Variants in ITGA9 observed in about 807,000 individuals in gnomAD.
ITGA9 encodes integrin alpha-9.
A neutral mutation model predicts 127.8 loss-of-function variants in ITGA9; 56 were observed. The ratio of observed to expected loss-of-function variants is 0.44; its 90% confidence interval spans 0.35 to 0.55. The LOEUF (loss-of-function observed/expected upper bound fraction) is 0.55, where lower values mean the gene tolerates loss of function less well. Ranked by LOEUF, ITGA9 falls within the 20% of genes least tolerant of loss-of-function variation. The probability of loss-of-function intolerance (pLI) is 0.00; values close to 1 mark genes in which losing one functional copy is unlikely to be tolerated. For synonymous variants in ITGA9, 508 were observed against 514.5 expected, an observed-to-expected ratio of 0.99 and a Z score of 0.17; for missense variants, 1,196 against 1,347.1, an observed-to-expected ratio of 0.89 and a Z score of 1.76.
At chr3:37,756,562 A>C (rs934732238) in intron 23 of ITGA9, among the ~76,000 whole-genome samples, 1 of 152,224 alleles carries the variant, frequency 6.6e-6, no homozygotes, top group Admixed American at 6.5e-5. Context: ...CAGCTATGGC[A>C]ACCTATAGGA....
intron 16 of ITGA9, among the ~76,000 whole-genome samples, chr3:37,647,534 CAT>C (rs1204463554): frequency 2.7e-5 from 4 of 150,098 alleles, no homozygotes; most frequent in African/African-American, 7.4e-5. Flanking sequence ...ATATTGTCAA[CAT>C]AGTCATCACG....
At chr3:37,696,463 A>G (rs1700886219) in intron 18 of ITGA9, among the ~76,000 whole-genome samples, 1 of 152,194 alleles carries the variant, frequency 6.6e-6, no homozygotes, top group African/African-American at 2.4e-5. Flanking sequence ...GATGTTGTCA[A>G]TGTGTTTGGA....
intron 24 of ITGA9, among the ~76,000 whole-genome samples, chr3:37,777,984 G>C (rs1240645267): frequency 6.6e-6 from 1 of 152,206 alleles, no homozygotes; most frequent in African/African-American, 2.4e-5. Flanking sequence ...TGAGAACAAT[G>C]CAGATATCCA....
intron 15 of ITGA9, among the ~76,000 whole-genome samples, chr3:37,622,138 T>TA (rs1700134182): frequency 7.3e-5 from 1 of 13,776 alleles, no homozygotes; most frequent in Non-Finnish European, 1.7e-4. Flanking sequence ...GTTTGTTTAC[T>TA]TTTTTTTTTT....
chr3:37,464,872 G>T (rs193291952), intron 1 of ITGA9, among the ~76,000 whole-genome samples: 70 of 152,314 alleles, frequency 4.6e-4, no homozygotes, highest in Admixed American at 3.1e-3. Flanking sequence ...GAAGGGTTTG[G>T]TGTGGTCAGA....
Position 37,533,305 on chromosome 3 carries a change from G to T in ITGA9, c.1374-9G>T, listed in dbSNP as rs758165204. ...CACGACTAAGTCACCTTCCTCTCTTGCCCTGCAGAGCAAGGCCTGTCATTA... is the reference window on the plus strand; with the variant it reads ...CACGACTAAGTCACCTTCCTCTCTTTCCCTGCAGAGCAAGGCCTGTCATTA... On this transcript the variant is annotated splice_polypyrimidine_tract_variant and intron_variant, in intron 13 of 27. Coordinates refer to ENST00000264741, the MANE Select transcript of ITGA9 (RefSeq NM_002207.3). 3 of 1,614,010 alleles carry T rather than the reference G, an allele frequency of 1.9e-6. No individual in the cohort carries two copies. The highest frequency in any genetic ancestry group is 2.2e-5 in the South Asian group (2 of 91,082).
At chr3:37,702,947 T>C (rs1167373973) in intron 18 of ITGA9, among the ~76,000 whole-genome samples, 1 of 151,986 alleles carries the variant, frequency 6.6e-6, no homozygotes, top group Admixed American at 6.5e-5. Context: ...GCCCTGTCCC[T>C]GGGGAATGCA....
intron 26 of ITGA9, among the ~76,000 whole-genome samples, chr3:37,794,722 T>C (rs1697152511): frequency 1.3e-5 from 2 of 152,172 alleles, no homozygotes. Flanking sequence ...TAACAGGAAT[T>C]AGAAAGCCCA....
intron 16 of ITGA9, among the ~76,000 whole-genome samples, chr3:37,638,037 C>G (rs1700297541): frequency 1.3e-5 from 2 of 152,014 alleles, no homozygotes; most frequent in Admixed American, 1.3e-4. Flanking sequence ...AGAACTGATA[C>G]AGTAGAGGAG....
intron 5 of ITGA9, among the ~76,000 whole-genome samples, chr3:37,496,093 T>A (rs115719950): frequency 0.019 from 2,928 of 152,120 alleles, 98 homozygotes; most frequent in African/African-American, 0.066. Flanking sequence ...CCCTCCTGAG[T>A]CAGGAGCAAG....
intron 15 of ITGA9, among the ~76,000 whole-genome samples, chr3:37,622,384 C>A (rs1441653453): frequency 1.3e-5 from 2 of 152,168 alleles, no homozygotes; most frequent in African/African-American, 4.8e-5. Context: ...CCACCGTGCC[C>A]AGCCTTGTTT....
chr3:37,471,270 C>G, intron 2 of ITGA9, 136 bp downstream of exon 2: 1 of 1,008,992 alleles, frequency 9.9e-7, no homozygotes, highest in South Asian at 1.3e-5. Flanking sequence ...CTCCAACAAG[C>G]ATGTATTGAG....
intron 15 of ITGA9, among the ~76,000 whole-genome samples, chr3:37,593,487 A>G (rs1699840103): frequency 2.6e-5 from 4 of 152,216 alleles, no homozygotes; most frequent in Admixed American, 2.6e-4. Context: ...GTGCCAGCAT[A>G]GTTGGTGTGT....
intron 23 of ITGA9, among the ~76,000 whole-genome samples, chr3:37,758,485 G>A (rs1696683253): frequency 6.6e-6 from 1 of 150,820 alleles, no homozygotes; most frequent in Admixed American, 6.6e-5. Context: ...AATAATAAAA[G>A]GATTAAATGA....
intron 1 of ITGA9, among the ~76,000 whole-genome samples, chr3:37,454,689 C>T (rs1283859862): frequency 6.6e-6 from 1 of 152,098 alleles, no homozygotes; most frequent in African/African-American, 2.4e-5. Flanking sequence ...GCTTCTTTTT[C>T]CTCCCTCACC....
chr3:37,700,948 G>A (rs572209830), intron 18 of ITGA9, among the ~76,000 whole-genome samples: 3 of 152,306 alleles, frequency 2.0e-5, no homozygotes, highest in African/African-American at 2.4e-5. Flanking sequence ...ATGGAGAAAT[G>A]CTTCCCCCAC....
intron 15 of ITGA9, among the ~76,000 whole-genome samples, chr3:37,583,915 T>A (rs1400060509): frequency 6.6e-6 from 1 of 152,224 alleles, no homozygotes; most frequent in Non-Finnish European, 1.5e-5. Context: ...TCTCTTTCCC[T>A]TCTGGACACT....
At chr3:37,519,103 T>TG (rs1553643746) in intron 10 of ITGA9, among the ~76,000 whole-genome samples, 157 bp from the exon 11 acceptor site, 1 of 144,670 alleles carries the variant, frequency 6.9e-6, no homozygotes, top group Admixed American at 6.7e-5. Context: ...TTTTTTTTTT[T>TG]CCCGCTGAGG....
intron 15 of ITGA9, among the ~76,000 whole-genome samples, chr3:37,571,119 G>C (rs1187235162): frequency 6.6e-6 from 1 of 152,140 alleles, no homozygotes; most frequent in Non-Finnish European, 1.5e-5. Context: ...GGCCCTTTTT[G>C]GGGGCAGGAG....
Sources: gnomAD v4.1 joint callset for allele counts (sites outside exome capture counted in the v4.1 genomes callset) on GRCh38, gnomAD v4.1.1 for gene constraint, MANE v1.5 for transcripts, NCBI Gene and HGNC (gene_info 2026-07-23, HGNC 2026-07-21) for gene names.